The following DDX60L variants were observed in gnomAD, a reference collection of about 807,000 sequenced individuals.
The protein encoded by DDX60L is probable ATP-dependent RNA helicase DDX60-like.
A neutral mutation model predicts 211.6 loss-of-function variants in DDX60L; 191 were observed. That is an observed-to-expected ratio of 0.90 (90% confidence interval 0.80 to 1.02). The LOEUF (loss-of-function observed/expected upper bound fraction) is 1.02, where lower values mean the gene tolerates loss of function less well. Among genes scored for constraint, DDX60L ranks in the 50% least tolerant of loss-of-function variants. The pLI is 0.00. For missense variants in DDX60L, 2,007 were observed against 1,984.1 expected, an observed-to-expected ratio of 1.01 and a Z score of -0.22; for synonymous variants, 706 against 694.1, an observed-to-expected ratio of 1.02 and a Z score of -0.27.
At chr4:168,453,055 T>C in intron 8 of DDX60L, 69 bp downstream of exon 8, 1 of 1,422,784 alleles carries the variant, frequency 7.0e-7, no homozygotes, top group Non-Finnish European at 9.5e-7. Flanking sequence ...CCAATATAAC[T>C]CTAGTTTTAA....
At chr4:168,406,780 C>T in intron 22 of DDX60L, 74 bp from the exon 23 acceptor site, 1 of 1,109,954 alleles carries the variant, frequency 9.0e-7, no homozygotes, top group South Asian at 1.5e-5. Context: ...TTTTATCTTT[C>T]ATGACTAAAC....
At chr4:168,468,866 G>C (rs982898192) in intron 4 of DDX60L, 1 of 152,086 alleles carries the variant, frequency 6.6e-6, no homozygotes, top group Non-Finnish European at 1.5e-5. Flanking sequence ...TCAATTTACG[G>C]TAAGATCAAA....
intron 32 of DDX60L, 27 bp downstream of exon 32, chr4:168,379,336 G>C (rs898326314): frequency 1.3e-6 from 2 of 1,484,462 alleles, no homozygotes; most frequent in African/African-American, 1.4e-5. Context: ...GCCATTTTTC[G>C]ACTACAGGTA....
chr4:168,382,808 A>G lies in DDX60L; in HGVS notation c.4116+1804T>C, dbSNP rs982865493. Among the ~76,000 whole-genome samples, 6 of 152,176 alleles carry G rather than the reference A, an allele frequency of 3.9e-5. No homozygotes were observed. In the East Asian group the frequency reaches 1.2e-3, roughly 29 times the overall value. Reference sequence around the variant, plus strand: ...AAAAATCAACATATAAAAAGAATGAAAAAGTTAGCAAGTGCTTTTCCCATT... The same window carrying G: ...AAAAATCAACATATAAAAAGAATGAGAAAGTTAGCAAGTGCTTTTCCCATT... On this transcript the variant is annotated intron_variant, in intron 30 of 37. Coordinates refer to ENST00000682922, the MANE Select transcript of DDX60L (RefSeq NM_001012967.3).
In DDX60L at chr4:168,379,523, A is replaced by T. The variant is rs553888843; in HGVS notation, c.4222-19T>A. The T allele has an allele frequency of 6.6e-7, 1 of 1,520,610 alleles. No homozygotes were observed. Among genetic ancestry groups the T allele is most frequent in the South Asian group, 1.3e-5 (1 of 77,146 alleles). The allele number at this position is 1,520,610 out of a possible 1,614,324, so 94.2% of individuals were successfully genotyped here. A position where few individuals can be genotyped will look rare whatever the true frequency, so the allele number is the denominator to read the frequency against. The stretch of plus-strand genomic sequence containing the variant: ...AATAGTCCTAAAAATGAGAAACAAA[A>T]AGTTGATTTAACTTGTCATGTACTC... On this transcript the variant is annotated intron_variant, in intron 31 of 37. Coordinates refer to ENST00000682922, the MANE Select transcript of DDX60L (RefSeq NM_001012967.3).
At chr4:168,415,858 T>G in intron 20 of DDX60L, 59 bp from the exon 21 acceptor site, 2 of 1,337,198 alleles carry the variant, frequency 1.5e-6, no homozygotes, top group Non-Finnish European at 2.0e-6. Flanking sequence ...ATCAAGAACT[T>G]GGATATTTTA....
chr4:168,457,814 G>T, intron 6 of DDX60L, 78 bp downstream of exon 6: 1 of 832,850 alleles, frequency 1.2e-6, no homozygotes, highest in Non-Finnish European at 1.9e-6. Context: ...CTGGTCTAAG[G>T]ACTGAACTAA....
intron 10 of DDX60L, among the ~76,000 whole-genome samples, chr4:168,440,090 T>C (rs1579654687): frequency 6.6e-6 from 1 of 152,128 alleles, no homozygotes; most frequent in Non-Finnish European, 1.5e-5. Context: ...CTGGGCATGA[T>C]GGTGTACACC....
intron 7 of DDX60L, among the ~76,000 whole-genome samples, chr4:168,454,140 A>C (rs1280242047): frequency 1.3e-5 from 2 of 152,204 alleles, no homozygotes; most frequent in Non-Finnish European, 2.9e-5. Context: ...ATATTAAGGT[A>C]ATTATCATTT....
chr4:168,417,966 T>C (rs2149853635), intron 19 of DDX60L, among the ~76,000 whole-genome samples: 1 of 152,354 alleles, frequency 6.6e-6, no homozygotes, highest in South Asian at 2.1e-4. Flanking sequence ...ATATTTTGTA[T>C]CAGCAGGCAA....
At chr4:168,368,300 T>C (rs758108068) in intron 36 of DDX60L, among the ~76,000 whole-genome samples, 54 of 152,250 alleles carry the variant, frequency 3.5e-4, no homozygotes, top group Non-Finnish European at 7.2e-4. Flanking sequence ...AAGGCTAATG[T>C]AGAGCTTGAG....
intron 22 of DDX60L, among the ~76,000 whole-genome samples, chr4:168,413,674 T>C (rs1749053041): frequency 6.6e-6 from 1 of 151,702 alleles, no homozygotes. Context: ...TTTGAAAATA[T>C]ATAGTCAAAA....
chr4:168,420,490 A>G (rs1467208672), intron 17 of DDX60L, 110 bp from the exon 18 acceptor site: 3 of 802,698 alleles, frequency 3.7e-6, no homozygotes, highest in African/African-American at 1.9e-5. Flanking sequence ...ACACACACAC[A>G]CACACACACA....
At chr4:168,365,425 T>C (rs1579167429) in intron 36 of DDX60L, among the ~76,000 whole-genome samples, 1 of 151,670 alleles carries the variant, frequency 6.6e-6, no homozygotes, top group Non-Finnish European at 1.5e-5. Context: ...ATGGGAGAAA[T>C]GGCTAAGTTC....
chr4:168,423,212 C>T (rs1750937222), intron 15 of DDX60L, among the ~76,000 whole-genome samples: 1 of 151,986 alleles, frequency 6.6e-6, no homozygotes, highest in South Asian at 2.1e-4. Flanking sequence ...CAGATATTAA[C>T]GTTAAAAAAA....
intron 36 of DDX60L, among the ~76,000 whole-genome samples, chr4:168,370,774 CAG>C (rs1221223757): frequency 2.6e-5 from 4 of 151,880 alleles, no homozygotes; most frequent in African/African-American, 7.3e-5. Flanking sequence ...TTATTTTTAT[CAG>C]AATTATTTAA....
intron 7 of DDX60L, among the ~76,000 whole-genome samples, chr4:168,455,416 CAG>C (rs1343376860): frequency 6.6e-6 from 1 of 152,026 alleles, no homozygotes; most frequent in East Asian, 1.9e-4. Flanking sequence ...TCTATAGTCT[CAG>C]TGACACTAAT....
chr4:168,363,703 A>T (rs1164372787), intron 36 of DDX60L, among the ~76,000 whole-genome samples: 1 of 152,192 alleles, frequency 6.6e-6, no homozygotes, highest in Non-Finnish European at 1.5e-5. Flanking sequence ...TAGAGCAGGC[A>T]CACAAATGAG....
chr4:168,463,381 T>C, intron 4 of DDX60L, among the ~76,000 whole-genome samples: 1 of 152,112 alleles, frequency 6.6e-6, no homozygotes, highest in East Asian at 1.9e-4. Flanking sequence ...GGGAGCTAAA[T>C]GATGAGAACA....
Sources: allele counts gnomAD v4.1 joint callset (sites outside exome capture counted in the v4.1 genomes callset), GRCh38; gene constraint gnomAD v4.1.1; transcripts MANE v1.5; gene names NCBI Gene and HGNC (gene_info 2026-07-23, HGNC 2026-07-21).